CHSY3: variants seen among roughly 807,000 people sequenced by gnomAD.
CHSY3 encodes the protein N-acetylgalactosaminyl-proteoglycan 3-beta-glucuronosyltransferase 3.
CHSY3 carries 35 observed loss-of-function variants against 67.2 expected under a neutral mutation model. That is an observed-to-expected ratio of 0.52 (90% CI 0.40 to 0.69). The LOEUF (loss-of-function observed/expected upper bound fraction) is 0.69, where lower values mean the gene tolerates loss of function less well. CHSY3 is among the 30% of genes least tolerant of loss of function. The probability of loss-of-function intolerance (pLI) is 0.00; values close to 1 mark genes in which losing one functional copy is unlikely to be tolerated. For synonymous variants in CHSY3, 474 were observed against 434.7 expected (o/e 1.09, Z -1.12); for missense variants, 1,069 against 1,138.5 (o/e 0.94, Z 0.88).
chr5:130,080,983 T>G (rs62391440), intron 2 of CHSY3, among the ~76,000 whole-genome samples: 69,021 of 151,316 alleles, frequency 0.46, 15,985 homozygotes, highest in African/African-American at 0.54. Context: ...TTAGAGACAC[T>G]GGAGATGGGA....
At chr5:130,027,428 A>G (rs1764577671) in intron 2 of CHSY3, among the ~76,000 whole-genome samples, 1 of 152,092 alleles carries the variant, frequency 6.6e-6, no homozygotes, top group Non-Finnish European at 1.5e-5. Context: ...GGCATGCACA[A>G]TATCAGATGC....
chr5:130,115,908 C>G (rs564708059), intron 2 of CHSY3, among the ~76,000 whole-genome samples: 1 of 152,312 alleles, frequency 6.6e-6, no homozygotes, highest in African/African-American at 2.4e-5. Context: ...TCCCTGGAGT[C>G]TGACTGAGCT....
chr5:130,087,337 T>C (rs1766680452), intron 2 of CHSY3, among the ~76,000 whole-genome samples: 1 of 152,160 alleles, frequency 6.6e-6, no homozygotes, highest in Non-Finnish European at 1.5e-5. Flanking sequence ...TCACCACTCC[T>C]ATTCAACATA....
At chr5:130,047,447 A>G (rs923326932) in intron 2 of CHSY3, among the ~76,000 whole-genome samples, 1 of 152,076 alleles carries the variant, frequency 6.6e-6, no homozygotes, top group African/African-American at 2.4e-5. Context: ...TGCAAGTTAA[A>G]TACTACATTG....
chr5:129,969,432 ACATTAGCTAATTGTAG>A (rs978270279), intron 2 of CHSY3, among the ~76,000 whole-genome samples: 3 of 151,884 alleles, frequency 2.0e-5, no homozygotes, highest in Non-Finnish European at 4.4e-5. Flanking sequence ...CTTCAACTAA[ACATTAGCTAATTGTAG>A]TTAAGGCATT....
chr5:130,121,693 T>G (rs1252734660), intron 2 of CHSY3, among the ~76,000 whole-genome samples: 4 of 152,206 alleles, frequency 2.6e-5, no homozygotes, highest in Non-Finnish European at 5.9e-5. Flanking sequence ...ATTTCAATGT[T>G]TTCCCTTAAA....
intron 2 of CHSY3, among the ~76,000 whole-genome samples, chr5:130,173,798 T>C (rs995449781): frequency 6.6e-6 from 1 of 151,984 alleles, no homozygotes; most frequent in Non-Finnish European, 1.5e-5. Flanking sequence ...TTATTTTCCC[T>C]CAAGTTATTT....
chr5:130,079,610 G>T (rs752255165), intron 2 of CHSY3, among the ~76,000 whole-genome samples: 8 of 152,052 alleles, frequency 5.3e-5, no homozygotes, highest in Admixed American at 1.3e-4. Flanking sequence ...ACAGAGAGGG[G>T]TCTTACAGAC....
At chr5:130,038,978 G>A (rs546543822) in intron 2 of CHSY3, among the ~76,000 whole-genome samples, 57 of 152,118 alleles carry the variant, frequency 3.7e-4, no homozygotes, top group Non-Finnish European at 7.5e-4. Context: ...AAGAAATGCT[G>A]AAATTCATAC....
chr5:130,019,810 G>C (rs568165634), intron 2 of CHSY3, among the ~76,000 whole-genome samples: 1 of 152,184 alleles, frequency 6.6e-6, no homozygotes, highest in Non-Finnish European at 1.5e-5. Flanking sequence ...AACGCTATGA[G>C]AGGCCCTTTT....
At chr5:130,102,697 C>T (rs1007228318) in intron 2 of CHSY3, among the ~76,000 whole-genome samples, 5 of 152,084 alleles carry the variant, frequency 3.3e-5, no homozygotes, top group Admixed American at 2.6e-4. Context: ...CATAAATAAT[C>T]CTTGAACCTA....
chr5:129,988,730 CAT>C (rs533104312), intron 2 of CHSY3, among the ~76,000 whole-genome samples: 80 of 152,268 alleles, frequency 5.3e-4, no homozygotes, highest in African/African-American at 1.9e-3. Flanking sequence ...AAGATATAAT[CAT>C]GTGAAGCTGC....
chr5:130,062,064 G>T (rs997289648), intron 2 of CHSY3, among the ~76,000 whole-genome samples: 1 of 151,908 alleles, frequency 6.6e-6, no homozygotes, highest in East Asian at 1.9e-4. Flanking sequence ...CTAAGGAAAA[G>T]AAATCATTCT....
At chr5:130,065,899 A>G (rs1318712660) in intron 2 of CHSY3, among the ~76,000 whole-genome samples, 3 of 152,198 alleles carry the variant, frequency 2.0e-5, no homozygotes, top group Admixed American at 2.0e-4. Context: ...AAGTTTTTAA[A>G]TTCTGAACAA....
intron 2 of CHSY3, among the ~76,000 whole-genome samples, chr5:130,112,273 T>A (rs922891841): frequency 2.6e-5 from 4 of 152,132 alleles, no homozygotes; most frequent in Admixed American, 1.3e-4. Context: ...CCGGAATTTG[T>A]CTAAAATAAA....
intron 2 of CHSY3, among the ~76,000 whole-genome samples, chr5:130,118,561 A>G (rs1486940723): frequency 1.3e-5 from 2 of 151,900 alleles, no homozygotes; most frequent in East Asian, 3.9e-4. Flanking sequence ...TATAGTGGTG[A>G]TTCTCATTAA....
chr5:130,073,924 A>T (rs141277846), intron 2 of CHSY3, among the ~76,000 whole-genome samples: 1 of 152,316 alleles, frequency 6.6e-6, no homozygotes, highest in East Asian at 1.9e-4. Flanking sequence ...TCATAGAACT[A>T]GTATGTAAAG....
At chr5:130,092,965 G>A (rs2149693978) in intron 2 of CHSY3, among the ~76,000 whole-genome samples, 1 of 152,312 alleles carries the variant, frequency 6.6e-6, no homozygotes, top group South Asian at 2.1e-4. Flanking sequence ...GATCTGGTGA[G>A]TATCAGCTCC....
At chr5:129,999,303 G>T (rs1203497730) in intron 2 of CHSY3, among the ~76,000 whole-genome samples, 1 of 152,052 alleles carries the variant, frequency 6.6e-6, no homozygotes, top group Non-Finnish European at 1.5e-5. Context: ...TGTTATGATT[G>T]AAAACAATAT....
Sources: gnomAD v4.1 joint callset for allele counts (sites outside exome capture counted in the v4.1 genomes callset) on GRCh38, gnomAD v4.1.1 for gene constraint, MANE v1.5 for transcripts, NCBI Gene and HGNC (gene_info 2026-07-23, HGNC 2026-07-21) for gene names.